The following SESN1 variants were observed in gnomAD, a reference collection of about 807,000 sequenced individuals.
The protein encoded by SESN1 is sestrin 1.
Under a neutral mutation model 59.3 loss-of-function variants are expected in SESN1, and 30 were observed. That is an observed-to-expected ratio of 0.51 (90% CI 0.38 to 0.69). The LOEUF (loss-of-function observed/expected upper bound fraction) is 0.69, where lower values mean the gene tolerates loss of function less well. SESN1 is among the 30% of genes least tolerant of loss of function. The probability of loss-of-function intolerance (pLI) is 0.00; values close to 1 mark genes in which losing one functional copy is unlikely to be tolerated. For synonymous variants in SESN1, 197 were observed against 219.9 expected (o/e 0.90, Z 0.92); for missense variants, 566 against 673.0 (o/e 0.84, Z 1.76).
Position 108,998,724 on chromosome 6 carries a change from G to T in SESN1, c.761C>A (p.Ser254Tyr). ...TACTGCATGTACCAATTCCGCAAGG[G>T]ACCAGCTGTGCTCTTCAGCTTTTAA... ...GLLKAEEHSW[S>Y]LAELVHAVVL... The change falls in exon 5 of 10, where the codon TCC (serine) becomes TAC (tyrosine). Residue 254 changes from serine to tyrosine, a missense_variant. Transcript: ENST00000436639. 1.2e-6 allele frequency: 2 copies of T among 1,613,202 alleles called. No homozygotes were observed. Among genetic ancestry groups the T allele is most frequent in the South Asian group, 2.2e-5 (2 of 91,018 alleles).
intron 1 of SESN1, among the ~76,000 whole-genome samples, chr6:109,089,522 C>T (rs1478934113): frequency 6.6e-6 from 1 of 152,138 alleles, no homozygotes; most frequent in African/African-American, 2.4e-5. Flanking sequence ...AGTGACAGAA[C>T]TAGAACAGCG....
chr6:109,033,110 A>T (rs1780208341), intron 1 of SESN1, among the ~76,000 whole-genome samples: 1 of 152,122 alleles, frequency 6.6e-6, no homozygotes, highest in South Asian at 2.1e-4. Flanking sequence ...AAAATGTTGC[A>T]AGCAGGGAGA....
chr6:108,998,610 A>T lies in SESN1; in HGVS notation c.875T>A (p.Phe292Tyr), dbSNP rs757886717. 1.2e-6 allele frequency: 2 copies of T among 1,613,962 alleles called. No homozygotes were observed. ...PEIHCDGGHT[F>Y]RPPSVSNYCI... Reference sequence around the variant, plus strand: ...GTAGTTGCTAACAGAAGGAGGTCTGAATGTGTGGCCACCATCACAATGAAT... The same window carrying T: ...GTAGTTGCTAACAGAAGGAGGTCTGTATGTGTGGCCACCATCACAATGAAT... The change falls in exon 5 of 10, where the codon TTC becomes TAC. Residue 292 changes from phenylalanine to tyrosine, a missense_variant. Transcript: ENST00000436639.
rs914924510 is a variant in SESN1 at position 109,027,661 on chromosome 6, T to C, written c.280-25318A>G. On this transcript the variant is annotated intron_variant, in intron 1 of 9. Coordinates refer to ENST00000436639, the MANE Select transcript of SESN1 (RefSeq NM_014454.3). ...ATTTTCACAACTGGTGAGGAGCAGG[T>C]TGTTACTGGTATGTAGCAGGGAGAG... Among the ~76,000 whole-genome samples the C allele has an allele frequency of 4.6e-5, 7 of 152,054 alleles. No individual in the cohort carries two copies. The South Asian group carries it at 8.3e-4, about 18-fold the overall frequency.
At chr6:109,009,564 G>A (rs1779817209) in intron 1 of SESN1, 2 of 1,110,320 alleles carry the variant, frequency 1.8e-6, no homozygotes, top group Non-Finnish European at 2.2e-6. Flanking sequence ...GCGGGGGGGC[G>A]GGGCGGCGCC....
chr6:109,050,947 T>C (rs1245236034), intron 1 of SESN1, among the ~76,000 whole-genome samples: 1 of 152,144 alleles, frequency 6.6e-6, no homozygotes, highest in African/African-American at 2.4e-5. Context: ...TCCATAGAAA[T>C]AATATTATGA....
intron 7 of SESN1, 60 bp downstream of exon 7, chr6:108,992,727 T>C: frequency 1.9e-6 from 2 of 1,071,908 alleles, no homozygotes; most frequent in Non-Finnish European, 2.9e-6. Flanking sequence ...GGCTGTTTTG[T>C]ATTTTAAGTC....
chr6:109,083,240 A>G (rs1781155146), intron 1 of SESN1, among the ~76,000 whole-genome samples: 2 of 152,232 alleles, frequency 1.3e-5, no homozygotes. Context: ...AGAAAATTCA[A>G]CATGACCTTT....
chr6:109,036,121 G>T (rs11153154), intron 1 of SESN1, among the ~76,000 whole-genome samples: 16,545 of 152,088 alleles, frequency 0.11, 1,025 homozygotes, highest in Middle Eastern at 0.19. Flanking sequence ...TTCCTACCAA[G>T]GTACACTTAG....
At chr6:109,007,865 A>G (rs1779766825) in intron 1 of SESN1, among the ~76,000 whole-genome samples, 1 of 144,240 alleles carries the variant, frequency 6.9e-6, no homozygotes, top group Admixed American at 7.2e-5. Context: ...CTGCATTTGT[A>G]ATACTTAGGC....
rs1779426774 is a variant in SESN1, at chr6:108,993,209, CATACT to C, written c.1121-315_1121-311del. On this transcript the variant is annotated intron_variant, in intron 6 of 9. Transcript: ENST00000436639. ...AGGTTCGACTTATTCAAAGTATGAA[CATACT>C]TTTGGATAATTTTTAAGATAACTAC... Among the ~76,000 whole-genome samples, 3 of 152,212 alleles carry C rather than the reference CATACT, an allele frequency of 2.0e-5. No individual in the cohort carries two copies. The South Asian group carries it at 6.2e-4, about 32-fold the overall frequency.
At chr6:109,019,192 C>T (rs890563773) in intron 1 of SESN1, among the ~76,000 whole-genome samples, 4 of 151,794 alleles carry the variant, frequency 2.6e-5, no homozygotes, top group Admixed American at 2.6e-4. Flanking sequence ...ACATTTTTTA[C>T]ACACACACAC....
intron 1 of SESN1, among the ~76,000 whole-genome samples, chr6:109,039,407 T>C (rs541576317): frequency 1.3e-4 from 20 of 152,352 alleles, no homozygotes; most frequent in African/African-American, 4.6e-4. Context: ...TTACAAACAG[T>C]AACTATTAAT....
intron 1 of SESN1, among the ~76,000 whole-genome samples, chr6:109,084,325 C>A (rs1274191812): frequency 6.6e-6 from 1 of 152,150 alleles, no homozygotes; most frequent in Non-Finnish European, 1.5e-5. Context: ...CTTTGGGAGG[C>A]CGAGGCAGGC....
intron 8 of SESN1, 55 bp downstream of exon 8, chr6:108,990,590 G>T: frequency 6.5e-7 from 1 of 1,526,936 alleles, no homozygotes; most frequent in Non-Finnish European, 9.0e-7. Flanking sequence ...CCAAGCACTT[G>T]AATAATTTGG....
intron 1 of SESN1, among the ~76,000 whole-genome samples, chr6:109,044,354 T>C (rs1480058900): frequency 1.3e-5 from 1 of 79,558 alleles, no homozygotes; most frequent in Non-Finnish European, 2.4e-5. Flanking sequence ...AAAAAAGGAG[T>C]ACAGGCAATT....
intron 1 of SESN1, chr6:109,009,668 C>A: frequency 1.7e-6 from 1 of 577,518 alleles, no homozygotes; most frequent in Non-Finnish European, 2.2e-6. Context: ...CGCAAAGCAC[C>A]GCCCCTCCGG....
At chr6:109,072,238 G>C (rs887112783) in intron 1 of SESN1, among the ~76,000 whole-genome samples, 1 of 152,152 alleles carries the variant, frequency 6.6e-6, no homozygotes, top group Non-Finnish European at 1.5e-5. Context: ...AAAGGACCTA[G>C]CTAGCTGTTA....
chr6:108,988,749 A>G (rs1779273483), intron 8 of SESN1, 62 bp from the exon 9 acceptor site: 7 of 1,337,782 alleles, frequency 5.2e-6, no homozygotes, highest in Non-Finnish European at 6.1e-6. Flanking sequence ...TCATCTTACA[A>G]AAGTATACAC....
Sources: gnomAD v4.1 joint callset for allele counts (sites outside exome capture counted in the v4.1 genomes callset) on GRCh38, gnomAD v4.1.1 for gene constraint, MANE v1.5 for transcripts, NCBI Gene and HGNC (gene_info 2026-07-23, HGNC 2026-07-21) for gene names.